Variants in PLD1 observed in about 807,000 individuals in gnomAD.
PLD1 encodes the protein phospholipase D1, also known as choline phosphatase 1.
PLD1 carries 112 observed loss-of-function variants against 137.1 expected under a neutral mutation model. The ratio of observed to expected loss-of-function variants is 0.82; its 90% confidence interval spans 0.70 to 0.96. The LOEUF is 0.96. Ranked by LOEUF, PLD1 falls within the 40% of genes least tolerant of loss-of-function variation. The pLI, the probability that PLD1 is intolerant of heterozygous loss-of-function variation, is 0.00. For synonymous variants in PLD1, 431 were observed against 454.7 expected (o/e 0.95, Z 0.66); for missense variants, 1,321 against 1,342.0 (o/e 0.98, Z 0.24).
intron 16 of PLD1, among the ~76,000 whole-genome samples, chr3:171,682,700 C>T (rs1714135855): frequency 6.6e-6 from 1 of 152,044 alleles, no homozygotes; most frequent in Admixed American, 6.5e-5. Context: ...AGAAGGAACT[C>T]CAATAATTAA....
Position 171,605,387 on chromosome 3 carries a change from C to T in PLD1, c.2912G>A (p.Ser971Asn), listed in dbSNP as rs1732127808. Residue 971 changes from serine to asparagine, a missense_variant, in exon 26 of 27, where the codon AGT (serine) becomes AAT (asparagine). Coordinates refer to ENST00000351298, the MANE Select transcript of PLD1 (RefSeq NM_002662.5). ...RVVLGYLDDP[S>N]EDIQDPVSDK... is the part of the protein sequence containing the mutation. ...ACTCACTGGATCCTGAATGTCCTCA[C>T]TTGGGTCATCAAGATAGCCAAGGAC... 2 of 1,613,646 alleles carry T rather than the reference C, an allele frequency of 1.2e-6. No homozygotes were observed. The highest frequency in any genetic ancestry group is 8.5e-7 in the Non-Finnish European group (1 of 1,179,568).
chr3:171,693,351 T>C (rs960217834), intron 12 of PLD1, among the ~76,000 whole-genome samples: 3 of 152,106 alleles, frequency 2.0e-5, no homozygotes, highest in Non-Finnish European at 4.4e-5. Flanking sequence ...AAAGACCAGG[T>C]CCAATAGCTA....
rs1451124061 is a variant in PLD1, at chr3:171,662,153, A to G, written c.2247T>C (p.Ala749=). Residue 749 remains alanine, a synonymous_variant, in exon 20 of 27, where the codon GCT becomes GCC. Transcript: ENST00000351298. ...HANVQLLRSA[A]DWSAGIKYHE... ...GGTACTTTATACCAGCAGACCAATC[A>G]GCAGCAGAGCGGAGCAACTACAAGG... The G allele has an allele frequency of 6.2e-7, 1 of 1,612,014 alleles. No homozygotes were observed. Among genetic ancestry groups the G allele is most frequent in the African/African-American group, 1.3e-5 (1 of 75,020 alleles).
intron 21 of PLD1, among the ~76,000 whole-genome samples, chr3:171,651,721 G>A (rs1736781666): frequency 6.6e-6 from 1 of 152,098 alleles, no homozygotes; most frequent in Non-Finnish European, 1.5e-5. Context: ...ACTTCACCCT[G>A]GGCTTGATAG....
At position 171,620,760 on chromosome 3, in the gene PLD1, ATATATATATT is replaced by A. The variant is rs1479030793; in HGVS notation, c.2594-250_2594-241del. Reference sequence around the variant, plus strand: ...TCTCTCTCTATATATATATATATATATATATATATTATATATATTTTTTTTTTAATTGAAG... The same window carrying A: ...TCTCTCTCTATATATATATATATATAATATATATTTTTTTTTTAATTGAAG... On this transcript the variant is annotated intron_variant, in intron 23 of 26. Coordinates refer to ENST00000351298, the MANE Select transcript of PLD1 (RefSeq NM_002662.5). Among the ~76,000 whole-genome samples, 30 of 135,070 alleles carry A rather than the reference ATATATATATT, an allele frequency of 2.2e-4. 1 individual carries two copies. Among genetic ancestry groups the A allele is most frequent in the African/African-American group, 9.5e-4 (30 of 31,528 alleles). The allele number at this position is 135,070 out of a possible 152,430, so 88.6% of individuals were successfully genotyped here. A position where few individuals can be genotyped will look rare whatever the true frequency, so the allele number is the denominator to read the frequency against.
intron 1 of PLD1, among the ~76,000 whole-genome samples, chr3:171,781,509 T>C (rs1722795405): frequency 6.6e-6 from 1 of 152,130 alleles, no homozygotes; most frequent in African/African-American, 2.4e-5. Flanking sequence ...GCAAATCATA[T>C]ATCTGACAAA....
chr3:171,703,037 G>T (rs1716377821), intron 11 of PLD1, among the ~76,000 whole-genome samples: 1 of 152,046 alleles, frequency 6.6e-6, no homozygotes, highest in Admixed American at 6.6e-5. Flanking sequence ...AAGATATAAG[G>T]TTGGTTTAAA....
rs1228232673 is a variant in PLD1 at position 171,756,051 on chromosome 3, G to A, written c.-31-17969C>T. 2.0e-5 allele frequency among the ~76,000 whole-genome samples: 3 copies of A among 152,108 alleles called. No homozygotes were observed. The East Asian group carries it at 5.8e-4, about 29-fold the overall frequency. ...TATATCCAATCAATTAATAAATCCAGCCAAATTCTAAATATCTCTCCCATC... is the reference window on the plus strand; with the variant it reads ...TATATCCAATCAATTAATAAATCCAACCAAATTCTAAATATCTCTCCCATC... On this transcript the variant is annotated intron_variant, in intron 1 of 26. Transcript: ENST00000351298.
intron 3 of PLD1, among the ~76,000 whole-genome samples, chr3:171,736,762 G>A (rs959189288): frequency 6.6e-6 from 1 of 152,154 alleles, no homozygotes; most frequent in African/African-American, 2.4e-5. Flanking sequence ...GCCTTACTCT[G>A]CCATGGCTAG....
At chr3:171,718,211 A>C (rs1717820559) in intron 8 of PLD1, among the ~76,000 whole-genome samples, 1 of 152,236 alleles carries the variant, frequency 6.6e-6, no homozygotes, top group African/African-American at 2.4e-5. Context: ...CAAGAAACAG[A>C]TAAATTCCCA....
At chr3:171,779,144 G>A (rs764083678) in intron 1 of PLD1, among the ~76,000 whole-genome samples, 2 of 152,210 alleles carry the variant, frequency 1.3e-5, no homozygotes, top group Non-Finnish European at 2.9e-5. Flanking sequence ...AGCCGAGATC[G>A]TGCTGAGATC....
At chr3:171,771,801 C>T (rs1324740700) in intron 1 of PLD1, among the ~76,000 whole-genome samples, 6 of 152,204 alleles carry the variant, frequency 3.9e-5, no homozygotes, top group African/African-American at 1.4e-4. Context: ...TTTCAGATAA[C>T]ATTGAATAAG....
chr3:171,700,334 ACTCT>A (rs55951070), intron 11 of PLD1, among the ~76,000 whole-genome samples: 3,087 of 111,524 alleles, frequency 0.028, 97 homozygotes, highest in African/African-American at 0.092. Flanking sequence ...ACACACACAC[ACTCT>A]CTCTCTCTCT....
At chr3:171,705,291 C>T (rs1056451800) in intron 11 of PLD1, among the ~76,000 whole-genome samples, 24 of 152,250 alleles carry the variant, frequency 1.6e-4, no homozygotes, top group African/African-American at 5.8e-4. Context: ...TATAAAACTA[C>T]AGATTCAGGA....
At chr3:171,669,542 C>G (rs898132146) in intron 19 of PLD1, among the ~76,000 whole-genome samples, 2 of 152,224 alleles carry the variant, frequency 1.3e-5, no homozygotes, top group African/African-American at 4.8e-5. Flanking sequence ...GCTGTGATTA[C>G]AGGCATGCGC....
intron 14 of PLD1, 79 bp from the exon 15 acceptor site, chr3:171,687,663 A>G: frequency 2.3e-6 from 2 of 885,764 alleles, no homozygotes; most frequent in East Asian, 5.0e-5. Flanking sequence ...GTAGAGCTGA[A>G]GTATAAAGTT....
chr3:171,711,915 A>G (rs902583130), intron 9 of PLD1, among the ~76,000 whole-genome samples: 10 of 152,112 alleles, frequency 6.6e-5, no homozygotes, highest in Non-Finnish European at 1.5e-4. Flanking sequence ...AGAGGGAAAA[A>G]TAAGTTATCC....
At chr3:171,689,093 T>C (rs1714873937) in intron 13 of PLD1, among the ~76,000 whole-genome samples, 1 of 151,914 alleles carries the variant, frequency 6.6e-6, no homozygotes, top group Non-Finnish European at 1.5e-5. Context: ...CCCACGCCCA[T>C]ATACTATATT....
chr3:171,667,657 A>G (rs1712284216), intron 19 of PLD1, among the ~76,000 whole-genome samples: 1 of 152,208 alleles, frequency 6.6e-6, no homozygotes, highest in Non-Finnish European at 1.5e-5. Flanking sequence ...CTAGAGCCCC[A>G]GCAGTTACAA....
Sources: gnomAD v4.1 joint callset for allele counts (sites outside exome capture counted in the v4.1 genomes callset) on GRCh38, gnomAD v4.1.1 for gene constraint, MANE v1.5 for transcripts, NCBI Gene and HGNC (gene_info 2026-07-23, HGNC 2026-07-21) for gene names.